Variants in CEP83 observed in about 807,000 individuals in gnomAD.
CEP83 encodes the protein centrosomal protein 83.
CEP83 carries 70 observed loss-of-function variants against 101.9 expected under a neutral mutation model. That is an observed-to-expected ratio of 0.69 (90% CI 0.57 to 0.84). CEP83 has a LOEUF of 0.84. Ranked by LOEUF, CEP83 falls within the 40% of genes least tolerant of loss-of-function variation. The pLI is 0.00. For missense variants in CEP83, 715 were observed against 787.2 expected (o/e 0.91, Z 1.10); for synonymous variants, 264 against 267.9 (o/e 0.99, Z 0.14).
chr12:94,331,685 A>G lies in CEP83; in HGVS notation c.1707+15T>C, dbSNP rs1044023002. 34 of 1,612,512 alleles carry G rather than the reference A, an allele frequency of 2.1e-5. No homozygotes were observed. The highest frequency in any genetic ancestry group is 2.7e-5 in the Non-Finnish European group (32 of 1,179,612). On this transcript the variant is annotated intron_variant, in intron 14 of 16. Transcript: ENST00000397809. ...CCATGCCTGGCCAGAGATCACTTTA[A>G]TAAGAACCACTTGCCTTTTTCTGGG... is the stretch of plus-strand genomic sequence containing the variant.
the CEP83 span, among the ~76,000 whole-genome samples, chr12:94,293,001 C>A: frequency 6.6e-6 from 1 of 152,238 alleles, no homozygotes; most frequent in Non-Finnish European, 1.5e-5. Flanking sequence ...CTAATCACTA[C>A]CGCTGCTCTC....
chr12:94,378,714 C>T, intron 7 of CEP83, 77 bp downstream of exon 7: 2 of 1,489,994 alleles, frequency 1.3e-6, no homozygotes, highest in South Asian at 1.2e-5. Flanking sequence ...TACATTTATG[C>T]TCTAAAAATC....
At chr12:94,269,309 T>A in the CEP83 span, among the ~76,000 whole-genome samples, 5 of 152,206 alleles carry the variant, frequency 3.3e-5, 1 homozygote, top group Non-Finnish European at 7.3e-5. Context: ...TTATTAGAAA[T>A]TCTTGAAAAA....
chr12:94,425,546 A>G (rs1490103750), intron 2 of CEP83, among the ~76,000 whole-genome samples: 1 of 152,190 alleles, frequency 6.6e-6, no homozygotes, highest in African/African-American at 2.4e-5. Context: ...GGTTGTGAGC[A>G]CTGAGTTGAT....
At chr12:94,434,585 T>A (rs998933352) in intron 2 of CEP83, among the ~76,000 whole-genome samples, 7 of 152,242 alleles carry the variant, frequency 4.6e-5, no homozygotes, top group Non-Finnish European at 8.8e-5. Context: ...CAATATTAGG[T>A]AGGCAAAAGC....
the CEP83 span, among the ~76,000 whole-genome samples, chr12:94,293,543 G>T: frequency 1.3e-5 from 2 of 152,208 alleles, no homozygotes; most frequent in African/African-American, 4.8e-5. Context: ...CCCTCCTCCT[G>T]GTTTGCTGAG....
intron 6 of CEP83, among the ~76,000 whole-genome samples, chr12:94,394,165 G>A (rs2137445405): frequency 6.6e-6 from 1 of 152,216 alleles, no homozygotes; most frequent in Middle Eastern, 3.4e-3. Flanking sequence ...GCATTGCCAA[G>A]ACAATCCTAA....
At chr12:94,401,601 G>C (rs947403149) in intron 5 of CEP83, among the ~76,000 whole-genome samples, 4 of 152,062 alleles carry the variant, frequency 2.6e-5, no homozygotes, top group African/African-American at 9.7e-5. Context: ...AGGCCACAAA[G>C]CAGAAAGATA....
the CEP83 span, among the ~76,000 whole-genome samples, chr12:94,277,569 T>TG: frequency 1.3e-5 from 2 of 152,112 alleles, no homozygotes. Flanking sequence ...TGGTTAGGGA[T>TG]GGGTTCAGAG....
intron 6 of CEP83, among the ~76,000 whole-genome samples, chr12:94,399,347 T>C (rs934715333): frequency 3.3e-5 from 5 of 152,342 alleles, no homozygotes; most frequent in African/African-American, 4.8e-5. Context: ...AGAACCTACA[T>C]TGAAATATTG....
chr12:94,343,336 C>T lies in CEP83; in HGVS notation c.1344-7672G>A, dbSNP rs535888814. 2.0e-5 allele frequency among the ~76,000 whole-genome samples: 3 copies of T among 152,056 alleles called. No individual in the cohort carries two copies. The East Asian group carries it at 5.8e-4, about 29-fold the overall frequency. ...AGACTGTCGCCTTAAATTTTTTGCACCCTGGGTGCCTCAATTGCTTTACCC... is the reference window on the plus strand; with the variant it reads ...AGACTGTCGCCTTAAATTTTTTGCATCCTGGGTGCCTCAATTGCTTTACCC... On this transcript the variant is annotated intron_variant, in intron 11 of 16. Coordinates refer to ENST00000397809, the MANE Select transcript of CEP83 (RefSeq NM_016122.3).
downstream of CEP83, chr12:94,306,271 C>CACTGGAGTATTATATA (rs1565879879): frequency 2.0e-5 from 3 of 151,332 alleles, no homozygotes; most frequent in Admixed American, 6.6e-5. Context: ...TTGCTGTTCA[C>CACTGGAGTATTATATA]ACTGGAGTAT....
intron 6 of CEP83, among the ~76,000 whole-genome samples, chr12:94,387,215 C>G (rs2137307063): frequency 6.6e-6 from 1 of 152,220 alleles, no homozygotes; most frequent in South Asian, 2.1e-4. Flanking sequence ...GGCCATGGAC[C>G]ATTACCAGTC....
intron 2 of CEP83, among the ~76,000 whole-genome samples, chr12:94,415,837 C>G (rs888080379): frequency 2.0e-5 from 3 of 152,054 alleles, no homozygotes; most frequent in Non-Finnish European, 2.9e-5. Flanking sequence ...TTAAACAACA[C>G]AATTAACCAT....
chr12:94,374,799 ACTG>A (rs1374596962), intron 8 of CEP83, among the ~76,000 whole-genome samples: 1 of 152,208 alleles, frequency 6.6e-6, no homozygotes, highest in Non-Finnish European at 1.5e-5. Context: ...GTGTATAATC[ACTG>A]CTATTATCAT....
downstream of CEP83, among the ~76,000 whole-genome samples, chr12:94,304,625 A>T (rs1038112071): frequency 2.6e-5 from 4 of 151,928 alleles, no homozygotes; most frequent in African/African-American, 7.3e-5. Flanking sequence ...CAGGCTATCC[A>T]TGTCAATGGT....
rs1371600532 is a variant in CEP83, at chr12:94,333,643, A to T, written c.1420-4T>A. 2 of 1,609,016 alleles carry T rather than the reference A, an allele frequency of 1.2e-6. No individual in the cohort carries two copies. The highest frequency in any genetic ancestry group is 1.7e-6 in the Non-Finnish European group (2 of 1,178,514). ...GGATCTGCAAACTACTGATTTGCTT[A>T]AAAGAGAAGAAAGAAGATAAATTAA... On this transcript the variant is annotated splice_polypyrimidine_tract_variant and splice_region_variant and intron_variant, in intron 12 of 16. Coordinates refer to ENST00000397809, the MANE Select transcript of CEP83 (RefSeq NM_016122.3).
intron 2 of CEP83, among the ~76,000 whole-genome samples, chr12:94,429,364 C>T (rs2065445894): frequency 6.6e-6 from 1 of 152,296 alleles, no homozygotes; most frequent in South Asian, 2.1e-4. Context: ...AAGGGAACTG[C>T]ATGAAGAGTG....
At chr12:94,277,674 A>G in the CEP83 span, 1 of 324,006 alleles carries the variant, frequency 3.1e-6, no homozygotes, top group South Asian at 2.4e-5. Flanking sequence ...TTATTCAGAG[A>G]TACTGAGCAT....
Sources: gnomAD v4.1 joint callset for allele counts (sites outside exome capture counted in the v4.1 genomes callset) on GRCh38, gnomAD v4.1.1 for gene constraint, MANE v1.5 for transcripts, NCBI Gene and HGNC (gene_info 2026-07-23, HGNC 2026-07-21) for gene names.